LARP4: variants seen among roughly 807,000 people sequenced by gnomAD.
LARP4 encodes the protein la-related protein 4.
A neutral mutation model predicts 92.9 loss-of-function variants in LARP4; 29 were observed. The ratio of observed to expected loss-of-function variants is 0.31; its 90% CI spans 0.23 to 0.43. LARP4 has a LOEUF of 0.43. LARP4 is among the 20% of genes least tolerant of loss of function. LARP4 has a pLI of 1.00. For synonymous variants in LARP4, 279 were observed against 284.1 expected (o/e 0.98, Z 0.18); for missense variants, 732 against 860.0 (o/e 0.85, Z 1.86).
At chr12:50,437,229 A>T (rs1035524696) in intron 5 of LARP4, among the ~76,000 whole-genome samples, 1 of 152,196 alleles carries the variant, frequency 6.6e-6, no homozygotes, top group African/African-American at 2.4e-5. Flanking sequence ...GTAGTATGCA[A>T]GATTAAGTAA....
intron 1 of LARP4, among the ~76,000 whole-genome samples, chr12:50,419,132 A>C (rs1331080596): frequency 6.6e-6 from 1 of 151,932 alleles, no homozygotes; most frequent in East Asian, 1.9e-4. Context: ...AGGCTGATGC[A>C]TGAGGATCAC....
intron 4 of LARP4, 68 bp from the exon 5 acceptor site, chr12:50,435,420 A>T: frequency 1.1e-6 from 1 of 923,074 alleles, no homozygotes; most frequent in Admixed American, 2.4e-5. Flanking sequence ...AGGAAAAGTG[A>T]GTAAGATACC....
chr12:50,473,402 T>A lies in LARP4; in HGVS notation c.1546-13T>A. 1 of 1,608,752 alleles carries A rather than the reference T, an allele frequency of 6.2e-7. No homozygotes were observed. The highest frequency in any genetic ancestry group is 8.5e-7 in the Non-Finnish European group (1 of 1,175,820). On this transcript the variant is annotated splice_polypyrimidine_tract_variant and intron_variant, in intron 13 of 15. Transcript: ENST00000398473. ...GGTCTAAGTGTAATTTTGAAAAATC[T>A]TTTTACTTTAAGGATAATGAAGAGT...
At chr12:50,411,194 T>C (rs949733492) in intron 1 of LARP4, among the ~76,000 whole-genome samples, 1 of 151,850 alleles carries the variant, frequency 6.6e-6, no homozygotes, top group Non-Finnish European at 1.5e-5. Flanking sequence ...ATTCTTTTTT[T>C]TTTTTTTTGA....
intron 1 of LARP4, among the ~76,000 whole-genome samples, chr12:50,403,384 C>G (rs1944229646): frequency 6.6e-6 from 1 of 152,192 alleles, no homozygotes; most frequent in African/African-American, 2.4e-5. Context: ...CAAGACAAAT[C>G]ACTTTTTTAC....
intron 5 of LARP4, among the ~76,000 whole-genome samples, chr12:50,436,202 A>T (rs1193440415): frequency 7.0e-6 from 1 of 143,020 alleles, no homozygotes; most frequent in African/African-American, 2.6e-5. Flanking sequence ...ATATCCCGCT[A>T]CTGACTGGTG....
chr12:50,408,126 ATGAGT>A (rs1349134011), intron 1 of LARP4, among the ~76,000 whole-genome samples: 2 of 143,384 alleles, frequency 1.4e-5, no homozygotes, highest in South Asian at 2.4e-4. Context: ...AACTCCAGGG[ATGAGT>A]TGAGTTAAGT....
intron 1 of LARP4, 128 bp downstream of exon 1, chr12:50,401,156 C>T: frequency 1.9e-6 from 2 of 1,053,886 alleles, no homozygotes; most frequent in Non-Finnish European, 1.5e-6. Flanking sequence ...GCTGACACAG[C>T]ACCTGGGCCG....
At chr12:50,450,954 G>A (rs979683212) in intron 8 of LARP4, among the ~76,000 whole-genome samples, 4 of 152,070 alleles carry the variant, frequency 2.6e-5, no homozygotes, top group Admixed American at 2.0e-4. Flanking sequence ...TGGACTGTTG[G>A]GTTGCTTCTG....
chr12:50,458,027 A>G (rs186931245), intron 10 of LARP4, among the ~76,000 whole-genome samples: 122 of 150,852 alleles, frequency 8.1e-4, no homozygotes, highest in Admixed American at 1.8e-3. Context: ...TTGACCTCCC[A>G]GGCCCAATCA....
chr12:50,475,799 A>G lies in LARP4; in HGVS notation c.2110A>G (p.Ile704Val), dbSNP rs772773414. 9.3e-6 allele frequency: 15 copies of G among 1,614,194 alleles called. No individual in the cohort carries two copies. In the Admixed American group the frequency reaches 2.0e-4, roughly 22 times the overall value. ...GAGACGCCAGTTTAGCCATAGGGCT[A>G]TACCTCAGGGAGTGACTCGACGTAA... ...EQRRQFSHRA[I>V]PQGVTRRNGK... The change falls in exon 16 of 16, where the codon ATA becomes GTA. Residue 704 changes from isoleucine to valine, a missense_variant. By Grantham distance (29) the Ile-to-Val change is conservative. This residue lies in a region of LARP4 where 115 missense variants were observed against 129.1 expected (regional missense o/e 0.89). Coordinates refer to ENST00000398473, the MANE Select transcript of LARP4 (RefSeq NM_052879.5).
intron 1 of LARP4, among the ~76,000 whole-genome samples, chr12:50,419,772 G>T (rs1395217094): frequency 6.6e-6 from 1 of 152,030 alleles, no homozygotes; most frequent in Non-Finnish European, 1.5e-5. Flanking sequence ...CCACGTGGTG[G>T]CTCAAACCTG....
intron 1 of LARP4, among the ~76,000 whole-genome samples, chr12:50,410,009 C>T (rs1005264435): frequency 1.1e-4 from 17 of 150,860 alleles, no homozygotes; most frequent in African/African-American, 4.1e-4. Flanking sequence ...TCAGGCTGGT[C>T]TCGAACTCCT....
chr12:50,465,302 G>A (rs59968707), intron 12 of LARP4, among the ~76,000 whole-genome samples: 16,352 of 149,552 alleles, frequency 0.11, 1,757 homozygotes, highest in East Asian at 0.46. Context: ...AACCCAGGAG[G>A]CAGAGGTTGC....
intron 1 of LARP4, among the ~76,000 whole-genome samples, chr12:50,411,512 A>G (rs1945890415): frequency 1.3e-5 from 2 of 151,486 alleles, no homozygotes; most frequent in African/African-American, 2.4e-5. Flanking sequence ...CCCATCTAGT[A>G]GAGATGGGGT....
chr12:50,452,968 A>G lies in LARP4; in HGVS notation c.805-492A>G, dbSNP rs1016669212. Among the ~76,000 whole-genome samples the G allele has an allele frequency of 2.6e-5, 4 of 151,736 alleles. No homozygotes were observed. The East Asian group carries it at 7.7e-4, about 29-fold the overall frequency. ...TCTGTTGCCCAGGCTGGAGTGTGGTAGTGCGATCATAGCTCACAGCAGCCT... is the reference window on the plus strand; with the variant it reads ...TCTGTTGCCCAGGCTGGAGTGTGGTGGTGCGATCATAGCTCACAGCAGCCT... On this transcript the variant is annotated intron_variant, in intron 8 of 15. Coordinates refer to ENST00000398473, the MANE Select transcript of LARP4 (RefSeq NM_052879.5).
chr12:50,441,514 ACT>A, intron 7 of LARP4, 74 bp from the exon 8 acceptor site: 1 of 1,090,454 alleles, frequency 9.2e-7, no homozygotes. Flanking sequence ...TTAATACTAA[ACT>A]CTCAACATAA....
chr12:50,470,505 C>T (rs1047692707), intron 13 of LARP4, among the ~76,000 whole-genome samples: 2 of 151,730 alleles, frequency 1.3e-5, no homozygotes, highest in Non-Finnish European at 2.9e-5. Flanking sequence ...GCGATCTCGG[C>T]TCACTGCAAC....
intron 7 of LARP4, among the ~76,000 whole-genome samples, chr12:50,440,947 A>G (rs1593128157): frequency 6.6e-6 from 1 of 150,722 alleles, no homozygotes; most frequent in Admixed American, 6.6e-5. Flanking sequence ...GCAGTGGCGC[A>G]ATCTCGGCTC....
Sources: gnomAD v4.1 joint callset for allele counts (sites outside exome capture counted in the v4.1 genomes callset) on GRCh38, gnomAD v4.1.1 for gene constraint, gnomAD v4.1.1 regional missense constraint, MANE v1.5 for transcripts, NCBI Gene and HGNC (gene_info 2026-07-23, HGNC 2026-07-21) for gene names.